Variants in CSMD2 observed in about 807,000 individuals in gnomAD.
CSMD2 encodes CUB and sushi domain-containing protein 2.
CSMD2 carries 130 observed loss-of-function variants against 398.5 expected under a neutral mutation model. The ratio of observed to expected loss-of-function variants is 0.33; its 90% CI spans 0.28 to 0.38. CSMD2 has a LOEUF of 0.38. Among genes scored for constraint, CSMD2 ranks in the 10% least tolerant of loss-of-function variants. CSMD2 has a pLI of 1.00. For synonymous variants in CSMD2, 1,828 were observed against 1,908.5 expected, an observed-to-expected ratio of 0.96 and a Z score of 1.10; for missense variants, 3,829 against 4,764.9, an observed-to-expected ratio of 0.80 and a Z score of 5.78.
intron 12 of CSMD2, among the ~76,000 whole-genome samples, chr1:33,773,207 A>C (rs761570696): frequency 4.6e-5 from 7 of 152,182 alleles, no homozygotes; most frequent in Non-Finnish European, 8.8e-5. Context: ...ACAGATCTCA[A>C]GTACAGTCCA....
chr1:33,644,853 C>T (rs1036707246), intron 29 of CSMD2, among the ~76,000 whole-genome samples: 7 of 152,114 alleles, frequency 4.6e-5, no homozygotes, highest in African/African-American at 1.7e-4. Flanking sequence ...TACCAAATGG[C>T]AGGTGCCTGG....
intron 32 of CSMD2, among the ~76,000 whole-genome samples, chr1:33,631,285 T>C (rs577308844): frequency 5.9e-5 from 9 of 152,204 alleles, no homozygotes; most frequent in African/African-American, 2.2e-4. Context: ...TAAATGAAAT[T>C]ATGAAATGGA....
intron 2 of CSMD2, among the ~76,000 whole-genome samples, chr1:34,035,954 A>C (rs34044593): frequency 0.1 from 15,458 of 152,220 alleles, 879 homozygotes; most frequent in East Asian, 0.2. Context: ...CAAATTAAGA[A>C]CATGAAGAAA....
chr1:33,607,950 C>A (rs994316973), intron 41 of CSMD2, among the ~76,000 whole-genome samples: 2 of 152,198 alleles, frequency 1.3e-5, no homozygotes, highest in Non-Finnish European at 2.9e-5. Context: ...GGCCTCCCTA[C>A]GCAGGGAAAG....
intron 3 of CSMD2, 56 bp downstream of exon 3, chr1:34,032,538 G>A: frequency 8.8e-7 from 1 of 1,138,960 alleles, no homozygotes; most frequent in Non-Finnish European, 1.3e-6. Context: ...AGTCCTGCTT[G>A]TGGCTATTAG....
chr1:34,074,426 C>A (rs1171005797), intron 2 of CSMD2, among the ~76,000 whole-genome samples: 1 of 152,176 alleles, frequency 6.6e-6, no homozygotes, highest in Admixed American at 6.5e-5. Flanking sequence ...CACTATACAC[C>A]AGCCAAAATG....
In CSMD2 at chr1:33,636,634, G is replaced by A; in HGVS notation, c.4775-80C>T. 1.6e-6 allele frequency: 2 copies of A among 1,218,536 alleles called. No homozygotes were observed. The highest frequency in any genetic ancestry group is 2.4e-6 in the Non-Finnish European group (2 of 848,666). 75.5% of individuals were successfully genotyped at this position (1,218,536 alleles called of 1,614,324 possible). On this transcript the variant is annotated intron_variant, in intron 29 of 70. Transcript: ENST00000373381. The surrounding 1 kb of genome is among the most constrained non-coding windows in gnomAD (Gnocchi z 4.8). ...TATTCTTGGGCTCCAGTGCCCATGAGGAGAACCCGACTTTAATTAGCCACA... is the reference window on the plus strand; with the variant it reads ...TATTCTTGGGCTCCAGTGCCCATGAAGAGAACCCGACTTTAATTAGCCACA...
At chr1:33,571,464 C>G in intron 51 of CSMD2, 68 bp downstream of exon 51, 1 of 1,259,778 alleles carries the variant, frequency 7.9e-7, no homozygotes, top group Non-Finnish European at 1.0e-6. Flanking sequence ...CCAGTTCACT[C>G]CATGCATGAG....
At chr1:33,909,173 T>C (rs941318184) in intron 5 of CSMD2, among the ~76,000 whole-genome samples, 10 of 152,174 alleles carry the variant, frequency 6.6e-5, no homozygotes, top group African/African-American at 2.2e-4. Flanking sequence ...GCTCCTGACA[T>C]TCAAAGAGGA....
chr1:33,928,044 C>T (rs1487482636), intron 4 of CSMD2, among the ~76,000 whole-genome samples: 2 of 152,202 alleles, frequency 1.3e-5, no homozygotes, highest in Non-Finnish European at 2.9e-5. Flanking sequence ...GGGATGCCTG[C>T]ACCTGCAGGC....
chr1:34,163,593 G>T lies in CSMD2; in HGVS notation c.187+1318C>A, dbSNP rs918608530. Among the ~76,000 whole-genome samples the T allele has an allele frequency of 9.2e-5, 14 of 152,200 alleles. No homozygotes were observed. The highest frequency in any genetic ancestry group is 1.9e-4 in the Non-Finnish European group (13 of 68,042). ...GAGAGGCGCACTTTCCCAAGAAGGG[G>T]AACTGGGGTGGTCCAGGCCAAGCCT... On this transcript the variant is annotated intron_variant, in intron 1 of 70. Transcript: ENST00000373381. This position sits in a 1 kb window ranked among gnomAD's most constrained non-coding sequence, Gnocchi z 5.4.
At chr1:34,070,246 G>A (rs951052278) in intron 2 of CSMD2, among the ~76,000 whole-genome samples, 1 of 152,212 alleles carries the variant, frequency 6.6e-6, no homozygotes, top group African/African-American at 2.4e-5. Flanking sequence ...TCTTGCCTAA[G>A]TGCAGGCAAA....
intron 3 of CSMD2, among the ~76,000 whole-genome samples, chr1:33,959,808 C>T (rs1645291330): frequency 6.6e-6 from 1 of 152,192 alleles, no homozygotes; most frequent in Non-Finnish European, 1.5e-5. Context: ...ACTCTCTTTC[C>T]CTGACCCTGC....
intron 11 of CSMD2, among the ~76,000 whole-genome samples, chr1:33,790,695 CTATCTATCATCT>C (rs1383876679): frequency 8.4e-5 from 12 of 143,252 alleles, no homozygotes; most frequent in Non-Finnish European, 1.5e-4. Flanking sequence ...ATCTATCTAT[CTATCTATCATCT>C]ATCTGTCTAT....
At chr1:33,651,613 C>T (rs1434489277) in intron 28 of CSMD2, among the ~76,000 whole-genome samples, 1 of 152,044 alleles carries the variant, frequency 6.6e-6, no homozygotes, top group African/African-American at 2.4e-5. Context: ...AAGAGGTCCA[C>T]GTGAAGTCAC....
At chr1:33,659,799 A>G (rs778481111) in intron 26 of CSMD2, among the ~76,000 whole-genome samples, 1 of 152,228 alleles carries the variant, frequency 6.6e-6, no homozygotes, top group Admixed American at 6.5e-5. Flanking sequence ...CTTCTACTCA[A>G]TAACACCTAA....
intron 12 of CSMD2, among the ~76,000 whole-genome samples, chr1:33,775,635 G>C (rs987363566): frequency 1.3e-5 from 2 of 152,244 alleles, no homozygotes; most frequent in Non-Finnish European, 2.9e-5. Flanking sequence ...GGTCTGAATG[G>C]AGGGTCATCA....
chr1:33,665,278 C>A (rs1330915373), intron 25 of CSMD2, among the ~76,000 whole-genome samples: 1 of 151,986 alleles, frequency 6.6e-6, no homozygotes, highest in East Asian at 1.9e-4. Flanking sequence ...TTTGTGGTAT[C>A]CATTTTGGTA....
chr1:33,845,610 A>G (rs1661278337), intron 6 of CSMD2, among the ~76,000 whole-genome samples: 1 of 152,256 alleles, frequency 6.6e-6, no homozygotes, highest in Non-Finnish European at 1.5e-5. Flanking sequence ...TTCCACTCAC[A>G]CAAAGACCCA....
Sources: gnomAD v4.1 joint callset for allele counts (sites outside exome capture counted in the v4.1 genomes callset) on GRCh38, gnomAD v4.1.1 for gene constraint, Gnocchi (gnomAD v3.1) non-coding constraint, MANE v1.5 for transcripts, NCBI Gene and HGNC (gene_info 2026-07-23, HGNC 2026-07-21) for gene names.